Variants in EYS observed in about 807,000 individuals in gnomAD.
EYS encodes the protein EGF-like photoreceptor maintenance factor.
In EYS, 250 loss-of-function variants were observed where a neutral mutation model predicts 282.1. The ratio of observed to expected loss-of-function variants is 0.89; its 90% CI spans 0.80 to 0.98. The LOEUF (loss-of-function observed/expected upper bound fraction) is 0.98, where lower values mean the gene tolerates loss of function less well. Among genes scored for constraint, EYS ranks in the 50% least tolerant of loss-of-function variants. The pLI is 0.00. For synonymous variants in EYS, 1,355 were observed against 1,282.9 expected (o/e 1.06, Z -1.20); for missense variants, 4,016 against 3,709.0 (o/e 1.08, Z -2.15).
intron 33 of EYS, among the ~76,000 whole-genome samples, chr6:64,063,200 G>A (rs1771240062): frequency 6.6e-6 from 1 of 152,126 alleles, no homozygotes; most frequent in African/African-American, 2.4e-5. Flanking sequence ...TCTGCACAGT[G>A]ATGACTCATG....
At chr6:65,025,672 C>T (rs1269463461) in intron 13 of EYS, among the ~76,000 whole-genome samples, 1 of 152,014 alleles carries the variant, frequency 6.6e-6, no homozygotes, top group Non-Finnish European at 1.5e-5. Flanking sequence ...TGAGATTGCC[C>T]CACTGCCCTC....
intron 31 of EYS, among the ~76,000 whole-genome samples, chr6:64,210,777 T>C (rs1385744343): frequency 6.6e-6 from 1 of 152,002 alleles, no homozygotes; most frequent in Non-Finnish European, 1.5e-5. Context: ...CAGAGGAGAT[T>C]GGTGTGTGAA....
chr6:65,431,585 T>C (rs1472986404), intron 5 of EYS, among the ~76,000 whole-genome samples: 1 of 152,138 alleles, frequency 6.6e-6, no homozygotes, highest in Non-Finnish European at 1.5e-5. Flanking sequence ...TTATCATAAA[T>C]ATTTGTTCAT....
At chr6:64,976,832 T>A (rs563288081) in intron 14 of EYS, among the ~76,000 whole-genome samples, 2 of 152,110 alleles carry the variant, frequency 1.3e-5, no homozygotes, top group East Asian at 1.9e-4. Flanking sequence ...ATTGAGATTT[T>A]TTTTTTGCAA....
chr6:63,736,561 G>A (rs930835027), intron 41 of EYS, among the ~76,000 whole-genome samples: 6 of 152,102 alleles, frequency 3.9e-5, no homozygotes, highest in Non-Finnish European at 8.8e-5. Context: ...GATTGACTTG[G>A]CGATGCGGGC....
At chr6:64,214,013 A>G (rs1023611268) in intron 31 of EYS, among the ~76,000 whole-genome samples, 1 of 152,148 alleles carries the variant, frequency 6.6e-6, no homozygotes, top group Non-Finnish European at 1.5e-5. Flanking sequence ...CTTTTTGGAT[A>G]GTCATACATA....
chr6:65,349,227 C>T (rs1218357680), intron 9 of EYS, among the ~76,000 whole-genome samples: 2 of 151,420 alleles, frequency 1.3e-5, no homozygotes, highest in Admixed American at 6.6e-5. Context: ...TGGTGCCATG[C>T]TTTTCATTAA....
rs1766293018 is a variant in EYS at position 65,215,629 on chromosome 6, A to G, written c.2023+80234T>C. ...AGGGAATTGCCTTAAATTTTGAAAGAAGCTCCACTGTGGGTAAAACGCTGT... is the reference window on the plus strand; with the variant it reads ...AGGGAATTGCCTTAAATTTTGAAAGGAGCTCCACTGTGGGTAAAACGCTGT... On this transcript the variant is annotated intron_variant, in intron 12 of 42. Coordinates refer to ENST00000503581, the MANE Select transcript of EYS (RefSeq NM_001142800.2). Among the ~76,000 whole-genome samples the G allele has an allele frequency of 2.0e-5, 3 of 152,238 alleles. No individual in the cohort carries two copies. The South Asian group carries it at 6.2e-4, about 31-fold the overall frequency.
intron 26 of EYS, among the ~76,000 whole-genome samples, chr6:64,522,066 C>G (rs1240914436): frequency 1.3e-5 from 2 of 151,716 alleles, no homozygotes; most frequent in Non-Finnish European, 2.9e-5. Flanking sequence ...AATGTTGTAT[C>G]TAAAGGAAGA....
chr6:65,467,653 C>A (rs1765054618), intron 5 of EYS, among the ~76,000 whole-genome samples: 1 of 152,008 alleles, frequency 6.6e-6, no homozygotes, highest in South Asian at 2.1e-4. Context: ...ACTGTCTGTT[C>A]TCTCCAAATT....
chr6:65,205,992 G>A (rs546045615), intron 12 of EYS, among the ~76,000 whole-genome samples: 2 of 151,604 alleles, frequency 1.3e-5, no homozygotes, highest in South Asian at 4.2e-4. Context: ...AAAAGCAAGA[G>A]GAAACAAAGT....
intron 41 of EYS, among the ~76,000 whole-genome samples, chr6:63,741,323 A>T (rs948283828): frequency 3.2e-4 from 48 of 152,222 alleles, no homozygotes; most frequent in African/African-American, 1.2e-3. Context: ...TCTAGTAAAA[A>T]AGAAAATAGA....
At chr6:64,439,524 T>C (rs1774865532) in intron 26 of EYS, among the ~76,000 whole-genome samples, 172 bp from the exon 27 acceptor site, 1 of 151,814 alleles carries the variant, frequency 6.6e-6, no homozygotes, top group Admixed American at 6.6e-5. Flanking sequence ...TTTCTCATGA[T>C]TTCTTTGTAT....
chr6:64,016,190 G>A (rs1351131677), intron 33 of EYS, among the ~76,000 whole-genome samples: 1 of 152,056 alleles, frequency 6.6e-6, no homozygotes, highest in Non-Finnish European at 1.5e-5. Flanking sequence ...TTTATTATTA[G>A]CAATAGCTTC....
chr6:64,726,542 C>G (rs1342125689), intron 22 of EYS, among the ~76,000 whole-genome samples: 1 of 151,896 alleles, frequency 6.6e-6, no homozygotes, highest in African/African-American at 2.4e-5. Flanking sequence ...ATATTTCTAC[C>G]AAAATGTTCA....
intron 26 of EYS, among the ~76,000 whole-genome samples, chr6:64,574,930 A>C (rs538840716): frequency 2.6e-5 from 4 of 152,276 alleles, no homozygotes; most frequent in Non-Finnish European, 4.4e-5. Flanking sequence ...AAATGATAAA[A>C]TACAACTTTA....
intron 4 of EYS, among the ~76,000 whole-genome samples, chr6:65,494,000 C>G (rs1031880366): frequency 1.3e-5 from 2 of 152,108 alleles, no homozygotes; most frequent in Admixed American, 6.6e-5. Flanking sequence ...ATCTAAATAC[C>G]ATAATCTTGG....
At chr6:64,828,489 G>T (rs1765124123) in intron 19 of EYS, among the ~76,000 whole-genome samples, 2 of 151,908 alleles carry the variant, frequency 1.3e-5, no homozygotes, top group Admixed American at 6.6e-5. Context: ...ATGATGCATA[G>T]ATTTTATAGT....
intron 12 of EYS, among the ~76,000 whole-genome samples, chr6:65,149,580 C>T (rs531680040): frequency 2.6e-5 from 4 of 151,132 alleles, no homozygotes; most frequent in African/African-American, 9.7e-5. Flanking sequence ...AAGAACTCAA[C>T]TCCATCTGAG....
Sources: gnomAD v4.1 joint callset for allele counts (sites outside exome capture counted in the v4.1 genomes callset) on GRCh38, gnomAD v4.1.1 for gene constraint, MANE v1.5 for transcripts, NCBI Gene and HGNC (gene_info 2026-07-23, HGNC 2026-07-21) for gene names.